Variants in MXI1 observed in about 807,000 individuals in gnomAD.
MXI1 encodes max-interacting protein 1.
Under a neutral mutation model 36.9 loss-of-function variants are expected in MXI1, and 18 were observed. That is an observed-to-expected ratio of 0.49 (90% CI 0.34 to 0.72). The LOEUF (loss-of-function observed/expected upper bound fraction) is 0.72. MXI1 is among the 30% of genes least tolerant of loss of function. MXI1 has a pLI of 0.01. For synonymous variants in MXI1, 160 were observed against 146.7 expected (o/e 1.09, Z -0.65); for missense variants, 304 against 379.1 (o/e 0.80, Z 1.64).
Position 110,285,066 on chromosome 10 carries a change from A to G in MXI1, c.*79A>G. Reference sequence around the variant, plus strand: ...ACAAACAATCTCTTAAATTGGGTTCATGATGCAGTCTCCTCTTTAAAACAA... The same window carrying G: ...ACAAACAATCTCTTAAATTGGGTTCGTGATGCAGTCTCCTCTTTAAAACAA... On this transcript the variant is annotated 3_prime_UTR_variant, in exon 6 of 6. Coordinates refer to ENST00000332674, the MANE Select transcript of MXI1 (RefSeq NM_130439.3). The G allele has an allele frequency of 7.3e-7, 1 of 1,369,280 alleles. No homozygotes were observed. The highest frequency in any genetic ancestry group is 1.5e-5 in the South Asian group (1 of 66,610). 84.8% of individuals were successfully genotyped at this position (1,369,280 alleles called of 1,614,324 possible). A position where few individuals can be genotyped will look rare whatever the true frequency, so the allele number is the denominator to read the frequency against.
In MXI1 at chr10:110,286,815, T is replaced by G. The variant is rs1857434976; in HGVS notation, c.*1828T>G. 1 of 152,212 alleles carries G rather than the reference T, an allele frequency of 6.6e-6. No homozygotes were observed. The highest frequency in any genetic ancestry group is 2.4e-5 in the African/African-American group (1 of 41,448). The allele number at this position is 152,212 out of a possible 1,614,324, so 9.4% of individuals were successfully genotyped here. ...TGTGCTATGTTTCAGTGGAAGAAAT[T>G]CTTTGAAGTAGATGTGAGTGAAAAA... On this transcript the variant is annotated 3_prime_UTR_variant, in exon 6 of 6. Coordinates refer to ENST00000332674, the MANE Select transcript of MXI1 (RefSeq NM_130439.3).
rs60315131 is a variant in MXI1 at position 110,251,010 on chromosome 10, TAAAAAAAAAAAAAA to T, written c.437+6166_437+6179del. On this transcript the variant is annotated intron_variant, in intron 3 of 5. Transcript: ENST00000332674. The stretch of plus-strand genomic sequence containing the variant: ...CAAGGAGAAGTGACTAAGTATTTGT[TAAAAAAAAAAAAAA>T]AAAAAAAAAAAAGAGAAGGATGTCT... Among the ~76,000 whole-genome samples the T allele has an allele frequency of 1.3e-4, 7 of 54,976 alleles. No homozygotes were observed. In the Admixed American group the frequency reaches 1.6e-3, roughly 13 times the overall value. 36.1% of individuals were successfully genotyped at this position (54,976 alleles called of 152,430 possible). A position where few individuals can be genotyped will look rare whatever the true frequency, so the allele number is the denominator to read the frequency against.
chr10:110,260,029 A>G (rs1856453733), intron 3 of MXI1, among the ~76,000 whole-genome samples: 1 of 151,724 alleles, frequency 6.6e-6, no homozygotes, highest in African/African-American at 2.4e-5. Flanking sequence ...TTTTGTTGTT[A>G]TTTTGGGAAA....
chr10:110,210,415 G>A, intron 1 of MXI1: 1 of 457,154 alleles, frequency 2.2e-6, no homozygotes, highest in Non-Finnish European at 2.9e-6. Flanking sequence ...CTGCTGTTTG[G>A]CTCTAAATGA....
chr10:110,241,557 C>G (rs1410934077), intron 2 of MXI1, among the ~76,000 whole-genome samples: 3 of 151,832 alleles, frequency 2.0e-5, no homozygotes, highest in African/African-American at 4.8e-5. Flanking sequence ...TTAGGCATCT[C>G]TCTCTGTAAT....
In MXI1 at chr10:110,247,962, T is replaced by C. The variant is rs369165402; in HGVS notation, c.437+3105T>C. On this transcript the variant is annotated intron_variant, in intron 3 of 5. Transcript: ENST00000332674. ...AACCAAGCCAGATGTCCAACAGTGATAGACTGGATTAAGAAAATGTGGCAC... is the reference window on the plus strand; with the variant it reads ...AACCAAGCCAGATGTCCAACAGTGACAGACTGGATTAAGAAAATGTGGCAC... Among the ~76,000 whole-genome samples the C allele has an allele frequency of 1.1e-4, 16 of 152,280 alleles. No individual in the cohort carries two copies. The East Asian group carries it at 2.9e-3, about 28-fold the overall frequency.
In MXI1 at chr10:110,256,082, C is replaced by T. The variant is rs572340376; in HGVS notation, c.437+11225C>T. Among the ~76,000 whole-genome samples the T allele has an allele frequency of 2.6e-4, 40 of 152,186 alleles. No homozygotes were observed. The East Asian group carries it at 3.5e-3, about 13-fold the overall frequency. On this transcript the variant is annotated intron_variant, in intron 3 of 5. Coordinates refer to ENST00000332674, the MANE Select transcript of MXI1 (RefSeq NM_130439.3). ...TGTAATGTATTTTCAACAAATAGAG[C>T]GGACACAACTGGATACCTACATACA...
rs1470577940 is a variant in MXI1 at position 110,279,161 on chromosome 10, G to A, written c.438-19G>A. ...TGAAATAACCAGACTGTGCTGATTT[G>A]ACTTTTTGTCTTTCTTAGACGAGCT... On this transcript the variant is annotated intron_variant, in intron 3 of 5. Transcript: ENST00000332674. The A allele has an allele frequency of 5.1e-6, 8 of 1,576,042 alleles. No homozygotes were observed. Among genetic ancestry groups the A allele is most frequent in the South Asian group, 1.1e-5 (1 of 89,850 alleles).
chr10:110,257,179 T>C (rs1030324120), intron 3 of MXI1: 3 of 152,344 alleles, frequency 2.0e-5, no homozygotes, highest in African/African-American at 2.4e-5. Flanking sequence ...AAAGATGATA[T>C]TGTAGATATC....
chr10:110,279,888 A>G, intron 4 of MXI1, 26 bp from the exon 5 acceptor site: 2 of 1,582,140 alleles, frequency 1.3e-6, no homozygotes, highest in Non-Finnish European at 1.7e-6. Flanking sequence ...CTATACACAA[A>G]TGTAAAAATC....
At chr10:110,272,317 C>G (rs56932808) in intron 3 of MXI1, among the ~76,000 whole-genome samples, 3,273 of 152,180 alleles carry the variant, frequency 0.022, 55 homozygotes, top group African/African-American at 0.035. Context: ...CATTTCTGGT[C>G]CTAAGCATTT....
intron 1 of MXI1, among the ~76,000 whole-genome samples, chr10:110,215,400 C>T (rs1854612530): frequency 6.6e-6 from 1 of 152,088 alleles, no homozygotes; most frequent in East Asian, 1.9e-4. Context: ...GAAGGAGCCC[C>T]AGAGGTCACA....
At chr10:110,263,537 T>A (rs1856585962) in intron 3 of MXI1, among the ~76,000 whole-genome samples, 1 of 152,216 alleles carries the variant, frequency 6.6e-6, no homozygotes, top group Non-Finnish European at 1.5e-5. Flanking sequence ...CCATTGTGAC[T>A]TCAAGTTTAC....
intron 1 of MXI1, among the ~76,000 whole-genome samples, chr10:110,217,769 C>T (rs910235639): frequency 5.9e-5 from 9 of 152,102 alleles, no homozygotes; most frequent in East Asian, 1.9e-4. Context: ...AAATGATAGA[C>T]GAATAGAAAT....
chr10:110,282,808 CTTTG>C (rs771589533), intron 5 of MXI1, among the ~76,000 whole-genome samples: 7 of 152,028 alleles, frequency 4.6e-5, no homozygotes, highest in African/African-American at 7.2e-5. Flanking sequence ...TCTCATTTTA[CTTTG>C]TTTTTTTGGG....
intron 3 of MXI1, among the ~76,000 whole-genome samples, chr10:110,278,783 G>A (rs557601987): frequency 1.8e-4 from 27 of 152,150 alleles, no homozygotes; most frequent in Non-Finnish European, 3.2e-4. Context: ...AAACTTGTGA[G>A]CATATTATAT....
At chr10:110,249,615 C>G (rs1029905729) in intron 3 of MXI1, among the ~76,000 whole-genome samples, 1 of 150,078 alleles carries the variant, frequency 6.7e-6, no homozygotes, top group African/African-American at 2.4e-5. Flanking sequence ...TAGTGTTTTT[C>G]ATACTGAAAA....
intron 2 of MXI1, among the ~76,000 whole-genome samples, chr10:110,233,939 G>T (rs2050996): frequency 6.6e-6 from 1 of 152,084 alleles, no homozygotes; most frequent in Non-Finnish European, 1.5e-5. Context: ...AGGCATTTTT[G>T]TCAAAATATT....
intron 3 of MXI1, among the ~76,000 whole-genome samples, chr10:110,272,151 C>A (rs1463941971): frequency 6.6e-6 from 1 of 152,176 alleles, no homozygotes; most frequent in African/African-American, 2.4e-5. Flanking sequence ...GTCCACAAAT[C>A]TGAAATGCTC....
Sources: allele counts gnomAD v4.1 joint callset (sites outside exome capture counted in the v4.1 genomes callset), GRCh38; gene constraint gnomAD v4.1.1; transcripts MANE v1.5; gene names NCBI Gene and HGNC (gene_info 2026-07-23, HGNC 2026-07-21).